EVI5: variants seen among roughly 807,000 people sequenced by gnomAD.
The protein encoded by EVI5 is ecotropic viral integration site 5 protein homolog.
In EVI5, 73 loss-of-function variants were observed where a neutral mutation model predicts 112.0. The ratio of observed to expected loss-of-function variants is 0.65; its 90% CI spans 0.54 to 0.79. EVI5 has a LOEUF of 0.79. Ranked by LOEUF, EVI5 falls within the 30% of genes least tolerant of loss-of-function variation. The pLI is 0.00. For missense variants in EVI5, 900 were observed against 968.8 expected, an observed-to-expected ratio of 0.93 and a Z score of 0.94; for synonymous variants, 305 against 319.9, an observed-to-expected ratio of 0.95 and a Z score of 0.50.
intron 13 of EVI5, among the ~76,000 whole-genome samples, chr1:92,650,024 T>A (rs1201145410): frequency 6.6e-6 from 1 of 152,228 alleles, no homozygotes; most frequent in Non-Finnish European, 1.5e-5. Flanking sequence ...GACTCTCATT[T>A]CTATTCCATT....
intron 19 of EVI5, among the ~76,000 whole-genome samples, chr1:92,531,471 CA>C (rs1297918298): frequency 6.6e-6 from 1 of 152,076 alleles, no homozygotes; most frequent in Non-Finnish European, 1.5e-5. Flanking sequence ...AGATCAACCT[CA>C]AGACACATAA....
chr1:92,723,620 T>C (rs967150354), intron 2 of EVI5, among the ~76,000 whole-genome samples: 2 of 152,170 alleles, frequency 1.3e-5, no homozygotes, highest in African/African-American at 4.8e-5. Flanking sequence ...AGGATCACTA[T>C]TGTACAAATT....
chr1:92,667,873 C>A (rs1289940154), intron 10 of EVI5, among the ~76,000 whole-genome samples: 1 of 152,134 alleles, frequency 6.6e-6, no homozygotes, highest in Non-Finnish European at 1.5e-5. Context: ...CCTCAGCCTC[C>A]CAAAATGCTG....
At chr1:92,716,322 A>G (rs1673678634) in intron 2 of EVI5, among the ~76,000 whole-genome samples, 1 of 152,226 alleles carries the variant, frequency 6.6e-6, no homozygotes, top group Admixed American at 6.5e-5. Flanking sequence ...ATACCCAGGC[A>G]AACAGGGTCT....
chr1:92,588,538 C>G (rs1673172586), intron 18 of EVI5, among the ~76,000 whole-genome samples: 1 of 152,188 alleles, frequency 6.6e-6, no homozygotes, highest in Non-Finnish European at 1.5e-5. Context: ...GTCCTCCATC[C>G]CTAATACCAA....
At chr1:92,643,028 A>C (rs1660273836) in intron 13 of EVI5, among the ~76,000 whole-genome samples, 1 of 152,218 alleles carries the variant, frequency 6.6e-6, no homozygotes, top group South Asian at 2.1e-4. Flanking sequence ...GGATCAAGCT[A>C]GACTTAGACA....
At chr1:92,634,397 C>T (rs944357758) in intron 14 of EVI5, among the ~76,000 whole-genome samples, 4 of 151,958 alleles carry the variant, frequency 2.6e-5, no homozygotes, top group Non-Finnish European at 5.9e-5. Context: ...CTTTTTTCTC[C>T]AAACTTCTCT....
chr1:92,786,876 C>T (rs1036540732), upstream of EVI5, among the ~76,000 whole-genome samples: 36 of 152,314 alleles, frequency 2.4e-4, no homozygotes, highest in African/African-American at 7.9e-4. Flanking sequence ...GCCACGCTAG[C>T]CTCTTTTATT....
At chr1:92,599,528 A>G (rs992480521) in intron 18 of EVI5, among the ~76,000 whole-genome samples, 1 of 152,080 alleles carries the variant, frequency 6.6e-6, no homozygotes, top group Non-Finnish European at 1.5e-5. Flanking sequence ...ATACCTCTAT[A>G]TATCTATATT....
intron 10 of EVI5, among the ~76,000 whole-genome samples, chr1:92,673,597 G>T (rs1423495464): frequency 6.6e-6 from 1 of 152,096 alleles, no homozygotes; most frequent in African/African-American, 2.4e-5. Context: ...CTCCCAAAGT[G>T]CTGGGATTAT....
At chr1:92,592,208 A>G (rs1373527749) in intron 18 of EVI5, among the ~76,000 whole-genome samples, 1 of 152,156 alleles carries the variant, frequency 6.6e-6, no homozygotes, top group Non-Finnish European at 1.5e-5. Context: ...TTGCCACTGC[A>G]CTCCGGCCTA....
intron 1 of EVI5, among the ~76,000 whole-genome samples, chr1:92,782,290 C>A: frequency 6.6e-6 from 1 of 151,002 alleles, no homozygotes; most frequent in African/African-American, 2.4e-5. Flanking sequence ...CACACACACA[C>A]AAATTAAGAA....
intron 10 of EVI5, among the ~76,000 whole-genome samples, chr1:92,673,621 C>T (rs1218993410): frequency 6.6e-6 from 1 of 152,052 alleles, no homozygotes; most frequent in Admixed American, 6.6e-5. Context: ...CGTGAGCCAC[C>T]GCGCCCGGCC....
intron 1 of EVI5, chr1:92,784,470 G>T (rs928958607): frequency 1.0e-6 from 1 of 983,460 alleles, no homozygotes; most frequent in Non-Finnish European, 1.2e-6. Context: ...GTCCCCAAAG[G>T]GAACCGACTT....
At chr1:92,692,179 G>C (rs1176872545) in intron 9 of EVI5, among the ~76,000 whole-genome samples, 1 of 152,178 alleles carries the variant, frequency 6.6e-6, no homozygotes, top group Non-Finnish European at 1.5e-5. Context: ...GAAAGAAATA[G>C]AGGGCCAGAA....
chr1:92,592,456 C>T (rs535216356), intron 18 of EVI5, among the ~76,000 whole-genome samples: 1 of 152,220 alleles, frequency 6.6e-6, no homozygotes, highest in South Asian at 2.1e-4. Context: ...TAAATGCCCA[C>T]AAGAGAAAGC....
At chr1:92,671,032 TAA>T (rs57856629) in intron 10 of EVI5, among the ~76,000 whole-genome samples, 2 of 150,906 alleles carry the variant, frequency 1.3e-5, no homozygotes, top group African/African-American at 4.9e-5. Context: ...TCTCCTATCT[TAA>T]AAAAAAAACA....
intron 18 of EVI5, among the ~76,000 whole-genome samples, chr1:92,565,211 T>G (rs916165728): frequency 1.2e-4 from 18 of 152,174 alleles, no homozygotes; most frequent in African/African-American, 3.6e-4. Flanking sequence ...AGTTTTTTGG[T>G]GTAGTCTTTC....
At chr1:92,621,414 C>T (rs1395012277) in intron 16 of EVI5, among the ~76,000 whole-genome samples, 5 of 152,188 alleles carry the variant, frequency 3.3e-5, no homozygotes, top group African/African-American at 7.2e-5. Context: ...CGGGTTCAAC[C>T]GATTCTCCTG....
Sources: gnomAD v4.1 joint callset for allele counts (sites outside exome capture counted in the v4.1 genomes callset) on GRCh38, gnomAD v4.1.1 for gene constraint, MANE v1.5 for transcripts, NCBI Gene and HGNC (gene_info 2026-07-23, HGNC 2026-07-21) for gene names.